Variants in ENOX1 observed in about 807,000 individuals in gnomAD.
The protein encoded by ENOX1 is candidate growth-related and time keeping constitutive hydroquinone (NADH) oxidase.
ENOX1 carries 42 observed loss-of-function variants against 82.5 expected under a neutral mutation model. The ratio of observed to expected loss-of-function variants is 0.51; its 90% CI spans 0.40 to 0.66. ENOX1 has a LOEUF of 0.66. ENOX1 is among the 30% of genes least tolerant of loss of function. The pLI is 0.00. For missense variants in ENOX1, 608 were observed against 811.6 expected (o/e 0.75, Z 3.05); for synonymous variants, 271 against 282.2 (o/e 0.96, Z 0.40).
At chr13:43,633,440 T>C (rs1295922754) in intron 2 of ENOX1, among the ~76,000 whole-genome samples, 1 of 152,234 alleles carries the variant, frequency 6.6e-6, no homozygotes. Flanking sequence ...AGATACAAGG[T>C]AGTTCACCAC....
intron 12 of ENOX1, among the ~76,000 whole-genome samples, chr13:43,290,392 C>T (rs2045932904): frequency 6.6e-6 from 1 of 152,100 alleles, no homozygotes; most frequent in African/African-American, 2.4e-5. Flanking sequence ...TATACACACA[C>T]ACATACCACA....
chr13:43,714,995 C>T, intron 1 of ENOX1, among the ~76,000 whole-genome samples: 1 of 152,200 alleles, frequency 6.6e-6, no homozygotes, highest in Admixed American at 6.5e-5. Context: ...GATGCAGTTT[C>T]TTCCTAGCCT....
intron 1 of ENOX1, among the ~76,000 whole-genome samples, chr13:43,679,749 G>A (rs779510076): frequency 6.6e-6 from 1 of 152,094 alleles, no homozygotes; most frequent in African/African-American, 2.4e-5. Flanking sequence ...ATGACCACTG[G>A]ATAAGTGAGG....
chr13:43,571,405 G>A lies in ENOX1; in HGVS notation c.-218-87253C>T, dbSNP rs192696386. 1.8e-4 allele frequency among the ~76,000 whole-genome samples: 27 copies of A among 152,222 alleles called. No homozygotes were observed. In the East Asian group the frequency reaches 3.9e-3, roughly 22 times the overall value. Reference sequence around the variant, plus strand: ...TTAAAACCTTAAAAGTAGGCCGGGCGCGGTGGCTTACGCCTGTAATCCCAG... The same window carrying A: ...TTAAAACCTTAAAAGTAGGCCGGGCACGGTGGCTTACGCCTGTAATCCCAG... On this transcript the variant is annotated intron_variant, in intron 2 of 16. Coordinates refer to ENST00000690772, the MANE Select transcript of ENOX1 (RefSeq NM_001347969.2).
intron 2 of ENOX1, among the ~76,000 whole-genome samples, chr13:43,552,660 C>A (rs1002471979): frequency 9.9e-5 from 15 of 152,100 alleles, no homozygotes; most frequent in African/African-American, 3.6e-4. Context: ...CACAGTAGGA[C>A]CAAAATAAGC....
chr13:43,227,527 A>G (rs2042080005), intron 15 of ENOX1, among the ~76,000 whole-genome samples: 1 of 152,232 alleles, frequency 6.6e-6, no homozygotes, highest in African/African-American at 2.4e-5. Context: ...AAACCAGGTA[A>G]CTTTGAGATA....
chr13:43,645,892 CA>C (rs2083876007), intron 2 of ENOX1, among the ~76,000 whole-genome samples: 1 of 152,206 alleles, frequency 6.6e-6, no homozygotes, highest in South Asian at 2.1e-4. Flanking sequence ...GACTACTATT[CA>C]AGGATGTCTG....
intron 11 of ENOX1, among the ~76,000 whole-genome samples, chr13:43,303,993 A>G (rs920116180): frequency 1.3e-5 from 2 of 152,184 alleles, no homozygotes; most frequent in African/African-American, 2.4e-5. Context: ...CTTCTGAAAG[A>G]ACCACATGCT....
chr13:43,382,159 T>G (rs1015242811), intron 5 of ENOX1, among the ~76,000 whole-genome samples: 1 of 152,126 alleles, frequency 6.6e-6, no homozygotes, highest in African/African-American at 2.4e-5. Flanking sequence ...TAATACATCA[T>G]GACTGAGTAG....
chr13:43,694,294 T>C (rs2086523070), intron 1 of ENOX1, among the ~76,000 whole-genome samples: 1 of 151,508 alleles, frequency 6.6e-6, no homozygotes, highest in African/African-American at 2.4e-5. Flanking sequence ...ACAAAATCAG[T>C]CTTAACAACC....
intron 1 of ENOX1, among the ~76,000 whole-genome samples, chr13:43,726,387 T>C (rs2088959477): frequency 6.6e-6 from 1 of 152,050 alleles, no homozygotes; most frequent in African/African-American, 2.4e-5. Flanking sequence ...TAGCTAATTT[T>C]TGTATTTTTA....
chr13:43,331,910 G>C (rs2048429081), intron 9 of ENOX1, among the ~76,000 whole-genome samples: 1 of 152,210 alleles, frequency 6.6e-6, no homozygotes, highest in Non-Finnish European at 1.5e-5. Context: ...CTGGCAGTCA[G>C]CCTGGCAGAA....
intron 1 of ENOX1, among the ~76,000 whole-genome samples, chr13:43,758,318 TACAC>T (rs2153834410): frequency 6.6e-6 from 1 of 151,974 alleles, no homozygotes; most frequent in South Asian, 2.1e-4. Context: ...AAATTATAAA[TACAC>T]ACAATAACTT....
At chr13:43,571,581 T>C (rs776290243) in intron 2 of ENOX1, among the ~76,000 whole-genome samples, 47 of 151,800 alleles carry the variant, frequency 3.1e-4, no homozygotes, top group Middle Eastern at 3.5e-3. Flanking sequence ...TCCCAGCTAC[T>C]TGGGAGGCTG....
At chr13:43,378,617 T>C (rs2051811008) in intron 5 of ENOX1, among the ~76,000 whole-genome samples, 1 of 152,168 alleles carries the variant, frequency 6.6e-6, no homozygotes, top group South Asian at 2.1e-4. Context: ...AAACTAGCCC[T>C]AGACAAAAAG....
intron 15 of ENOX1, among the ~76,000 whole-genome samples, chr13:43,233,083 A>G (rs980133499): frequency 6.6e-6 from 1 of 152,214 alleles, no homozygotes; most frequent in Non-Finnish European, 1.5e-5. Context: ...CATGCAGGCC[A>G]TATGTGAAAT....
intron 2 of ENOX1, among the ~76,000 whole-genome samples, chr13:43,630,105 C>T (rs1224879828): frequency 6.6e-6 from 1 of 152,192 alleles, no homozygotes; most frequent in Non-Finnish European, 1.5e-5. Context: ...CCACCATTCT[C>T]ACCATGTATG....
At chr13:43,785,616 G>A (rs1398000792) in intron 1 of ENOX1, among the ~76,000 whole-genome samples, 1 of 152,196 alleles carries the variant, frequency 6.6e-6, no homozygotes, top group Non-Finnish European at 1.5e-5. Flanking sequence ...GAGAGAAGCA[G>A]GAGTGTATCT....
intron 14 of ENOX1, among the ~76,000 whole-genome samples, chr13:43,261,800 G>C (rs2153476518): frequency 7.2e-6 from 1 of 139,434 alleles, no homozygotes; most frequent in South Asian, 2.4e-4. Flanking sequence ...GAGATCACAT[G>C]GACACAGGAA....
Sources: gnomAD v4.1 joint callset for allele counts (sites outside exome capture counted in the v4.1 genomes callset) on GRCh38, gnomAD v4.1.1 for gene constraint, MANE v1.5 for transcripts, NCBI Gene and HGNC (gene_info 2026-07-23, HGNC 2026-07-21) for gene names.